CLIC4: variants seen among roughly 807,000 people sequenced by gnomAD.
The protein encoded by CLIC4 is chloride intracellular channel protein 4.
CLIC4 carries 13 observed loss-of-function variants against 24.6 expected under a neutral mutation model. The observed-to-expected ratio is 0.53, with a 90% confidence interval of 0.34 to 0.84. The LOEUF (loss-of-function observed/expected upper bound fraction) is 0.84. Among genes scored for constraint, CLIC4 ranks in the 40% least tolerant of loss-of-function variants. The pLI is 0.01. For synonymous variants in CLIC4, 104 were observed against 111.3 expected (o/e 0.93, Z 0.41); for missense variants, 227 against 301.7 (o/e 0.75, Z 1.83).
chr1:24,840,822 G>T lies in CLIC4; in HGVS notation c.647G>T (p.Gly216Val), dbSNP rs1639934385. Reference protein sequence around the residue: ...RNFDIPKEMTGIWRYLTNAYS... With the variant: ...RNFDIPKEMTVIWRYLTNAYS... Reference sequence around the variant, plus strand: ...TTTGATATTCCAAAAGAAATGACTGGCATCTGGAGATACCTAACTAATGCA... The same window carrying T: ...TTTGATATTCCAAAAGAAATGACTGTCATCTGGAGATACCTAACTAATGCA... The change falls in exon 6 of 6, where the codon GGC becomes GTC. Residue 216 changes from glycine to valine, a missense_variant. Transcript: ENST00000374379. 6.2e-7 allele frequency: 1 copy of T among 1,609,558 alleles called. No individual in the cohort carries two copies. The highest frequency in any genetic ancestry group is 8.5e-7 in the Non-Finnish European group (1 of 1,178,114).
At chr1:24,823,990 T>C (rs1639762340) in intron 3 of CLIC4, among the ~76,000 whole-genome samples, 1 of 152,192 alleles carries the variant, frequency 6.6e-6, no homozygotes. Flanking sequence ...GTCTATTCTG[T>C]CATTGACACT....
At position 24,767,021 on chromosome 1, in the gene CLIC4, A is replaced by T. The variant is rs1239565376; in HGVS notation, c.72+21396A>T. Among the ~76,000 whole-genome samples the T allele has an allele frequency of 4.0e-5, 5 of 124,000 alleles. No homozygotes were observed. In the East Asian group the frequency reaches 1.2e-3, roughly 30 times the overall value. The allele number at this position is 124,000 out of a possible 152,430, so 81.3% of individuals were successfully genotyped here. On this transcript the variant is annotated intron_variant, in intron 1 of 5. Transcript: ENST00000374379. ...AAAAATACACTAACAATAGCTGATG[A>T]GCTAAAAAAAAAAAAAAAAAAAAAA...
intron 2 of CLIC4, among the ~76,000 whole-genome samples, chr1:24,798,554 G>T (rs1005655773): frequency 6.6e-6 from 1 of 152,162 alleles, no homozygotes. Context: ...TAGCAAACAG[G>T]TCTGAGGTGA....
intron 1 of CLIC4, among the ~76,000 whole-genome samples, chr1:24,794,164 T>G (rs1639370920): frequency 1.3e-5 from 2 of 152,196 alleles, no homozygotes; most frequent in Non-Finnish European, 2.9e-5. Flanking sequence ...TATGCATGTG[T>G]CTTTATGGTA....
intron 3 of CLIC4, among the ~76,000 whole-genome samples, chr1:24,825,940 G>T (rs1226590871): frequency 1.3e-5 from 2 of 152,164 alleles, no homozygotes; most frequent in Non-Finnish European, 2.9e-5. Flanking sequence ...GTGACGTTTT[G>T]CAGGACCTTC....
intron 3 of CLIC4, among the ~76,000 whole-genome samples, chr1:24,820,667 C>A (rs909805755): frequency 6.6e-6 from 1 of 152,096 alleles, no homozygotes; most frequent in African/African-American, 2.4e-5. Context: ...CACTGTAGAT[C>A]ATTGTATCAA....
intron 2 of CLIC4, among the ~76,000 whole-genome samples, chr1:24,813,608 G>A (rs1366475674): frequency 6.6e-6 from 1 of 151,142 alleles, no homozygotes; most frequent in Non-Finnish European, 1.5e-5. Flanking sequence ...TAGCAGAGAT[G>A]GGGTTTCACC....
Position 24,827,032 on chromosome 1 carries a change from C to T in CLIC4, c.331C>T (p.His111Tyr), listed in dbSNP as rs1405217354. Reference sequence around the variant, plus strand: ...TAGGTACTTAAAGCTTTCACCAAAACACCCAGAATCAAATACTGCTGGAAT... The same window carrying T: ...TAGGTACTTAAAGCTTTCACCAAAATACCCAGAATCAAATACTGCTGGAAT... ...PPKYLKLSPK[H>Y]PESNTAGMDI... The change falls in exon 4 of 6, where the codon CAC becomes TAC. Residue 111 changes from histidine to tyrosine, a missense_variant. By Grantham distance (83) the His-to-Tyr change is moderately conservative (BLOSUM62 2). Transcript: ENST00000374379. The T allele has an allele frequency of 6.8e-6, 11 of 1,608,408 alleles. No homozygotes were observed. Among genetic ancestry groups the T allele is most frequent in the African/African-American group, 1.3e-5 (1 of 74,628 alleles).
intron 1 of CLIC4, among the ~76,000 whole-genome samples, chr1:24,755,610 T>TA (rs879700635): frequency 0.015 from 2,060 of 141,604 alleles, 38 homozygotes; most frequent in African/African-American, 0.044. Flanking sequence ...TCCTATCTCT[T>TA]AAAAAAAAAA....
intron 2 of CLIC4, among the ~76,000 whole-genome samples, chr1:24,813,667 C>T (rs1163289180): frequency 6.6e-6 from 1 of 151,908 alleles, no homozygotes; most frequent in Non-Finnish European, 1.5e-5. Flanking sequence ...GATCCACCCG[C>T]CTCGGCCTCC....
At chr1:24,768,766 T>C (rs1639037508) in intron 1 of CLIC4, among the ~76,000 whole-genome samples, 1 of 151,966 alleles carries the variant, frequency 6.6e-6, no homozygotes, top group Non-Finnish European at 1.5e-5. Context: ...GGAGGCATGG[T>C]GGCATGTGCC....
intron 3 of CLIC4, 123 bp from the exon 4 acceptor site, chr1:24,826,887 A>T: frequency 1.7e-6 from 1 of 595,708 alleles, no homozygotes; most frequent in South Asian, 2.4e-5. Flanking sequence ...AAAACAAATG[A>T]TGGTATTTCT....
At chr1:24,801,970 G>GT (rs368351694) in intron 2 of CLIC4, among the ~76,000 whole-genome samples, 88 of 147,966 alleles carry the variant, frequency 5.9e-4, no homozygotes, top group South Asian at 8.5e-4. Flanking sequence ...TTCTATTACT[G>GT]TTTTTTTTTT....
intron 4 of CLIC4, among the ~76,000 whole-genome samples, chr1:24,831,104 A>G (rs1639835710): frequency 6.6e-6 from 1 of 152,244 alleles, no homozygotes; most frequent in African/African-American, 2.4e-5. Context: ...ATTCTTAACT[A>G]TGAAAAATTA....
intron 4 of CLIC4, among the ~76,000 whole-genome samples, chr1:24,836,697 G>A (rs918690998): frequency 6.6e-6 from 1 of 152,134 alleles, no homozygotes; most frequent in Non-Finnish European, 1.5e-5. Context: ...AATTTGACAG[G>A]TGCAGTGGCA....
intron 3 of CLIC4, among the ~76,000 whole-genome samples, chr1:24,820,067 G>GTGTGTATATATATGTATATATATA (rs1212033050): frequency 2.7e-5 from 1 of 36,472 alleles, no homozygotes; most frequent in East Asian, 1.1e-3. Flanking sequence ...AAAAAAGTAT[G>GTGTGTATATATATGTATATATATA]TATATATATA....
intron 1 of CLIC4, among the ~76,000 whole-genome samples, chr1:24,784,290 C>A (rs1639239380): frequency 6.6e-6 from 1 of 152,214 alleles, no homozygotes; most frequent in South Asian, 2.1e-4. Context: ...GTTCTCCCAA[C>A]TATCCAATGA....
chr1:24,772,775 C>T (rs569136581), intron 1 of CLIC4, among the ~76,000 whole-genome samples: 5 of 152,244 alleles, frequency 3.3e-5, no homozygotes, highest in East Asian at 3.9e-4. Context: ...TGAGCCACAG[C>T]GCCCGGCTGA....
At chr1:24,763,203 C>T (rs979561612) in intron 1 of CLIC4, among the ~76,000 whole-genome samples, 7 of 151,896 alleles carry the variant, frequency 4.6e-5, no homozygotes, top group African/African-American at 1.7e-4. Context: ...TTTCCTGACC[C>T]CCACACTCTG....
Sources: gnomAD v4.1 joint callset for allele counts (sites outside exome capture counted in the v4.1 genomes callset) on GRCh38, gnomAD v4.1.1 for gene constraint, MANE v1.5 for transcripts, NCBI Gene and HGNC (gene_info 2026-07-23, HGNC 2026-07-21) for gene names.